Variants in ALPK1 observed in about 807,000 individuals in gnomAD.
ALPK1 encodes alpha kinase 1, also known as alpha-protein kinase 1.
A neutral mutation model predicts 120.6 loss-of-function variants in ALPK1; 110 were observed. The ratio of observed to expected loss-of-function variants is 0.91; its 90% CI spans 0.78 to 1.07. The LOEUF (loss-of-function observed/expected upper bound fraction) is 1.07. Among genes scored for constraint, ALPK1 ranks in the 50% least tolerant of loss-of-function variants. The probability of loss-of-function intolerance (pLI) is 0.00; values close to 1 mark genes in which losing one functional copy is unlikely to be tolerated. For synonymous variants in ALPK1, 582 were observed against 560.3 expected, an observed-to-expected ratio of 1.04 and a Z score of -0.55; for missense variants, 1,498 against 1,483.9, an observed-to-expected ratio of 1.01 and a Z score of -0.16.
At chr4:112,420,373 C>T (rs991312888) in intron 5 of ALPK1, among the ~76,000 whole-genome samples, 1 of 152,218 alleles carries the variant, frequency 6.6e-6, no homozygotes, top group Admixed American at 6.5e-5. Flanking sequence ...TACAACAATA[C>T]ACATCCCTCT....
intron 2 of ALPK1, among the ~76,000 whole-genome samples, chr4:112,319,356 A>G (rs758013704): frequency 3.9e-5 from 6 of 152,186 alleles, no homozygotes; most frequent in Non-Finnish European, 7.4e-5. Flanking sequence ...GGAGCATTTA[A>G]TAGATAAGGC....
At chr4:112,362,377 G>C (rs1730953620) in intron 2 of ALPK1, among the ~76,000 whole-genome samples, 1 of 152,088 alleles carries the variant, frequency 6.6e-6, no homozygotes, top group Admixed American at 6.6e-5. Flanking sequence ...CAGTGAAATA[G>C]CATAAATAAA....
chr4:112,426,621 T>C (rs748622943), intron 8 of ALPK1, 78 bp downstream of exon 8: 17 of 1,175,540 alleles, frequency 1.4e-5, no homozygotes, highest in Non-Finnish European at 2.0e-5. Flanking sequence ...AGAAGTCCAT[T>C]TCTCATATAT....
At chr4:112,419,414 G>A (rs1056844238) in intron 5 of ALPK1, among the ~76,000 whole-genome samples, 3 of 151,780 alleles carry the variant, frequency 2.0e-5, no homozygotes, top group African/African-American at 7.3e-5. Flanking sequence ...TGGGGGAGAA[G>A]ATAGAACTAT....
At chr4:112,387,126 G>GA (rs1732188524) in intron 4 of ALPK1, among the ~76,000 whole-genome samples, 1 of 152,260 alleles carries the variant, frequency 6.6e-6, no homozygotes, top group East Asian at 1.9e-4. Flanking sequence ...TGCTAGCTAG[G>GA]AAAACCCATA....
intron 13 of ALPK1, among the ~76,000 whole-genome samples, chr4:112,439,459 G>C (rs931153714): frequency 6.6e-6 from 1 of 152,154 alleles, no homozygotes; most frequent in Non-Finnish European, 1.5e-5. Flanking sequence ...ATAAATTTAA[G>C]TTCTATGACA....
At chr4:112,399,893 C>G in intron 4 of ALPK1, among the ~76,000 whole-genome samples, 1 of 152,164 alleles carries the variant, frequency 6.6e-6, no homozygotes, top group East Asian at 1.9e-4. Context: ...ATGATGGCTT[C>G]TAGCTTCATC....
chr4:112,358,253 G>A (rs1391910616), intron 2 of ALPK1: 3 of 586,280 alleles, frequency 5.1e-6, no homozygotes, highest in Admixed American at 4.2e-5. Context: ...AGACGCCAGA[G>A]CCCAGCTGCC....
intron 1 of ALPK1, among the ~76,000 whole-genome samples, chr4:112,313,741 G>A (rs985526232): frequency 1.3e-5 from 2 of 152,068 alleles, no homozygotes; most frequent in African/African-American, 2.4e-5. Context: ...GTAATAATAA[G>A]AAGAATTGAC....
intron 1 of ALPK1, among the ~76,000 whole-genome samples, chr4:112,304,470 T>G (rs2110521861): frequency 6.6e-6 from 1 of 152,256 alleles, no homozygotes; most frequent in Non-Finnish European, 1.5e-5. Context: ...TACCTCATTG[T>G]GGTTTTCATT....
intron 2 of ALPK1, chr4:112,356,791 C>A: frequency 2.7e-6 from 2 of 734,948 alleles, no homozygotes; most frequent in South Asian, 2.7e-5. Flanking sequence ...AAGCCGACAT[C>A]GTCTTCATCC....
intron 7 of ALPK1, 86 bp downstream of exon 7, chr4:112,425,837 C>T (rs1229882985): frequency 3.6e-5 from 42 of 1,175,952 alleles, no homozygotes; most frequent in Non-Finnish European, 4.6e-5. Flanking sequence ...CTTCTTTTAT[C>T]AGGCTAAAAT....
At chr4:112,364,757 A>T (rs1731067079) in intron 2 of ALPK1, among the ~76,000 whole-genome samples, 1 of 152,208 alleles carries the variant, frequency 6.6e-6, no homozygotes. Flanking sequence ...TCACAAAAAA[A>T]GAAAACTACA....
At chr4:112,352,806 C>T (rs1730418862) in intron 2 of ALPK1, 1 of 152,080 alleles carries the variant, frequency 6.6e-6, no homozygotes, top group African/African-American at 2.4e-5. Flanking sequence ...CTAAGATTTA[C>T]CCATGTTGTT....
intron 4 of ALPK1, among the ~76,000 whole-genome samples, chr4:112,390,003 C>T (rs1241709625): frequency 6.6e-6 from 1 of 152,220 alleles, no homozygotes; most frequent in East Asian, 1.9e-4. Flanking sequence ...GCCATTGCTT[C>T]CTGAATAGCC....
chr4:112,432,565 A>G lies in ALPK1; in HGVS notation c.3018A>G (p.Gln1006=). 2 of 1,611,428 alleles carry G rather than the reference A, an allele frequency of 1.2e-6. No individual in the cohort carries two copies. Among genetic ancestry groups the G allele is most frequent in the Non-Finnish European group, 1.7e-6 (2 of 1,179,666 alleles). ...ATACGGGGGTTTTTAAGCCCAGTCAACTCCACCGAGCACATAGTAAGTACA... is the reference window on the plus strand; with the variant it reads ...ATACGGGGGTTTTTAAGCCCAGTCAGCTCCACCGAGCACATAGTAAGTACA... ...LENTGVFKPS[Q]LHRAHSALLL... Residue 1006 remains glutamine (Q), a synonymous_variant, in exon 11 of 16, where the codon CAA becomes CAG. Coordinates refer to ENST00000650871, the MANE Select transcript of ALPK1 (RefSeq NM_025144.4).
In ALPK1 at chr4:112,380,949, G is replaced by T. The variant is rs72896957; in HGVS notation, c.122-1449G>T. On this transcript the variant is annotated intron_variant, in intron 3 of 15. Coordinates refer to ENST00000650871, the MANE Select transcript of ALPK1 (RefSeq NM_025144.4). Reference sequence around the variant, plus strand: ...TCAATTCCACTGTGAGGTCACGGTGGATTGAGGAGAAGTGGCAATGTTTGC... The same window carrying T: ...TCAATTCCACTGTGAGGTCACGGTGTATTGAGGAGAAGTGGCAATGTTTGC... Among the ~76,000 whole-genome samples, 875 of 152,302 alleles carry T rather than the reference G, an allele frequency of 5.7e-3. 7 individuals are homozygous for T. The highest frequency in any genetic ancestry group is 0.02 in the African/African-American group (842 of 41,564).
chr4:112,308,323 G>A lies in ALPK1; in HGVS notation c.-152-7478G>A, dbSNP rs561610742. ...TTGCTAGGTTGGGGAAGTTGTCCTG[G>A]ATAATATCCTGCAGAGTGTTTTCCA... On this transcript the variant is annotated intron_variant, in intron 1 of 15. Transcript: ENST00000650871. Among the ~76,000 whole-genome samples, 265 of 152,136 alleles carry A rather than the reference G, an allele frequency of 1.7e-3. 3 individuals carry two copies. Among genetic ancestry groups the A allele is most frequent in the African/African-American group, 6.0e-3 (250 of 41,436 alleles).
chr4:112,430,618 T>G lies in ALPK1; in HGVS notation c.1071T>G (p.Ala357=), dbSNP rs752282624. 7 of 1,614,058 alleles carry G rather than the reference T, an allele frequency of 4.3e-6. No individual in the cohort carries two copies. In the Admixed American group the frequency reaches 1.0e-4, roughly 23 times the overall value. Residue 357 remains alanine, a synonymous_variant, in exon 11 of 16, where the codon GCT becomes GCG. Coordinates refer to ENST00000650871, the MANE Select transcript of ALPK1 (RefSeq NM_025144.4). ...GKQELHSFVK[A]AFGLTTVHRR... ...AGGAGCTTCACAGCTTTGTCAAAGC[T>G]GCTTTCGGTCTCACCACAGTGCACA... is the stretch of plus-strand genomic sequence containing the variant.
Sources: gnomAD v4.1 joint callset for allele counts (sites outside exome capture counted in the v4.1 genomes callset) on GRCh38, gnomAD v4.1.1 for gene constraint, MANE v1.5 for transcripts, NCBI Gene and HGNC (gene_info 2026-07-23, HGNC 2026-07-21) for gene names.